The following LRCH1 variants were observed in gnomAD, a reference collection of about 807,000 sequenced individuals.
The protein encoded by LRCH1 is leucine rich repeats and calponin homology domain containing 1.
Under a neutral mutation model 94.9 loss-of-function variants are expected in LRCH1, and 23 were observed. The observed-to-expected ratio is 0.24, with a 90% CI of 0.17 to 0.34. LRCH1 has a LOEUF of 0.34. Ranked by LOEUF, LRCH1 falls within the 10% of genes least tolerant of loss-of-function variation. The pLI is 1.00. For missense variants in LRCH1, 790 were observed against 945.9 expected, an observed-to-expected ratio of 0.84 and a Z score of 2.16; for synonymous variants, 364 against 354.9, an observed-to-expected ratio of 1.03 and a Z score of -0.29.
chr13:46,594,404 CT>C (rs1233621517), intron 1 of LRCH1, among the ~76,000 whole-genome samples: 3 of 152,278 alleles, frequency 2.0e-5, no homozygotes, highest in East Asian at 3.9e-4. Context: ...TACTTGTTTT[CT>C]GCTAAGGGCT....
chr13:46,610,100 A>T (rs1312869367), intron 1 of LRCH1, among the ~76,000 whole-genome samples: 1 of 152,226 alleles, frequency 6.6e-6, no homozygotes. Context: ...ATGAAAAGAA[A>T]GAGAAGGGAA....
At position 46,742,793 on chromosome 13, in the gene LRCH1, G is replaced by A. The variant is rs1002823110; in HGVS notation, c.*945G>A. On this transcript the variant is annotated 3_prime_UTR_variant, in exon 20 of 20. Transcript: ENST00000389797. ...TGAGCCGTGGAACATTCTTGGTCCTGGTGCTTGGGTTATGATGGCAGGAGT... is the reference window on the plus strand; with the variant it reads ...TGAGCCGTGGAACATTCTTGGTCCTAGTGCTTGGGTTATGATGGCAGGAGT... The A allele has an allele frequency of 1.0e-6, 1 of 985,354 alleles. No homozygotes were observed. The highest frequency in any genetic ancestry group is 6.1e-5 in the Admixed American group (1 of 16,290). The allele number at this position is 985,354 out of a possible 1,614,324, so 61.0% of individuals were successfully genotyped here.
At position 46,563,442 on chromosome 13, in the gene LRCH1, A is replaced by G. The variant is rs75152391; in HGVS notation, c.307+9739A>G. On this transcript the variant is annotated intron_variant, in intron 1 of 19. Transcript: ENST00000389797. The stretch of plus-strand genomic sequence containing the variant: ...ATCTTGGCCTTGTTGCTTATAAACT[A>G]TGTCACTTTGGCCAGATGACTTAAA... Among the ~76,000 whole-genome samples, 17 of 152,200 alleles carry G rather than the reference A, an allele frequency of 1.1e-4. No individual in the cohort carries two copies. The East Asian group carries it at 1.7e-3, about 16-fold the overall frequency.
chr13:46,677,574 C>T (rs528621198), intron 3 of LRCH1, among the ~76,000 whole-genome samples: 53 of 152,288 alleles, frequency 3.5e-4, no homozygotes, highest in African/African-American at 1.2e-3. Context: ...CAGTTAGCAA[C>T]GAGCACTTAG....
At chr13:46,750,459 GATGTC>G in intron 18 of LRCH1, 1 of 986,754 alleles carries the variant, frequency 1.0e-6, no homozygotes, top group East Asian at 2.6e-5. Context: ...ACCTAACTTT[GATGTC>G]ATCAACGATG....
intron 1 of LRCH1, among the ~76,000 whole-genome samples, chr13:46,592,343 C>T (rs1312554255): frequency 6.6e-6 from 1 of 152,214 alleles, no homozygotes; most frequent in Admixed American, 6.5e-5. Context: ...GATAGTGCCC[C>T]AGTGAAATAT....
chr13:46,731,608 T>C (rs561275559), intron 18 of LRCH1, among the ~76,000 whole-genome samples: 11 of 152,340 alleles, frequency 7.2e-5, no homozygotes, highest in South Asian at 2.1e-4. Context: ...TTTTCCTTTT[T>C]AGAAATGCAG....
chr13:46,650,927 G>C (rs2051288831), intron 2 of LRCH1, among the ~76,000 whole-genome samples: 1 of 152,126 alleles, frequency 6.6e-6, no homozygotes. Context: ...TGCTGAGCAT[G>C]GTTTAGTAAT....
chr13:46,690,386 C>T (rs1870834110), intron 7 of LRCH1, among the ~76,000 whole-genome samples: 1 of 152,086 alleles, frequency 6.6e-6, no homozygotes, highest in Non-Finnish European at 1.5e-5. Flanking sequence ...CCTAAGTCCT[C>T]GCAAATGGAC....
chr13:46,719,297 G>A (rs564611461), intron 16 of LRCH1, among the ~76,000 whole-genome samples: 5 of 152,334 alleles, frequency 3.3e-5, no homozygotes, highest in South Asian at 2.1e-4. Context: ...TGTTTGAAAC[G>A]TTTGTTTCAT....
At chr13:46,701,073 C>T (rs1316284620) in intron 10 of LRCH1, 48 bp from the exon 11 acceptor site, 1 of 1,125,034 alleles carries the variant, frequency 8.9e-7, no homozygotes, top group East Asian at 2.4e-5. Flanking sequence ...AGATGATATT[C>T]ATGTTGTATT....
At chr13:46,719,314 G>A (rs959429102) in intron 16 of LRCH1, among the ~76,000 whole-genome samples, 6 of 152,180 alleles carry the variant, frequency 3.9e-5, no homozygotes, top group South Asian at 2.1e-4. Context: ...TCATTTACTC[G>A]TTCAACAAAC....
chr13:46,573,750 G>A (rs1224262951), intron 1 of LRCH1, among the ~76,000 whole-genome samples: 2 of 149,998 alleles, frequency 1.3e-5, no homozygotes, highest in Non-Finnish European at 3.0e-5. Flanking sequence ...GTGGAGGGAT[G>A]GGAAGGAGGT....
chr13:46,672,812 G>A (rs762740089), intron 3 of LRCH1, among the ~76,000 whole-genome samples: 1 of 152,174 alleles, frequency 6.6e-6, no homozygotes, highest in Admixed American at 6.5e-5. Flanking sequence ...AGTGATAGGG[G>A]ATTGTAAAAG....
At chr13:46,674,269 A>G (rs2051641876) in intron 3 of LRCH1, among the ~76,000 whole-genome samples, 3 of 152,264 alleles carry the variant, frequency 2.0e-5, no homozygotes, top group South Asian at 4.1e-4. Context: ...TTAGAATTAT[A>G]TAAGATCTTT....
intron 7 of LRCH1, among the ~76,000 whole-genome samples, chr13:46,691,197 T>C (rs1416970873): frequency 6.6e-6 from 1 of 152,192 alleles, no homozygotes; most frequent in African/African-American, 2.4e-5. Flanking sequence ...GGAAAGCTAT[T>C]TCCTAAGTAG....
intron 1 of LRCH1, among the ~76,000 whole-genome samples, chr13:46,571,504 G>A (rs1247168668): frequency 6.6e-6 from 1 of 152,174 alleles, no homozygotes; most frequent in African/African-American, 2.4e-5. Context: ...TCTCGAAGCG[G>A]GCTAGGCGTA....
intron 1 of LRCH1, among the ~76,000 whole-genome samples, chr13:46,579,556 G>A (rs2050342549): frequency 6.6e-6 from 1 of 151,828 alleles, no homozygotes; most frequent in Admixed American, 6.6e-5. Context: ...CTGAATTGAG[G>A]AATAGGGTTA....
At chr13:46,678,614 C>T (rs1457613417) in intron 3 of LRCH1, among the ~76,000 whole-genome samples, 1 of 152,152 alleles carries the variant, frequency 6.6e-6, no homozygotes, top group African/African-American at 2.4e-5. Context: ...ATATCCTGTC[C>T]TCTAAATCAG....
Sources: allele counts gnomAD v4.1 joint callset (sites outside exome capture counted in the v4.1 genomes callset), GRCh38; gene constraint gnomAD v4.1.1; transcripts MANE v1.5; gene names NCBI Gene and HGNC (gene_info 2026-07-23, HGNC 2026-07-21).